SCLT1: variants seen among roughly 807,000 people sequenced by gnomAD.
The protein encoded by SCLT1 is sodium channel-associated protein 1.
A neutral mutation model predicts 112.8 loss-of-function variants in SCLT1; 78 were observed. The ratio of observed to expected loss-of-function variants is 0.69; its 90% CI spans 0.58 to 0.83. The LOEUF is 0.83. SCLT1 is among the 40% of genes least tolerant of loss of function. The probability of loss-of-function intolerance (pLI) is 0.00; values close to 1 mark genes in which losing one functional copy is unlikely to be tolerated. For synonymous variants in SCLT1, 257 were observed against 254.7 expected (o/e 1.01, Z -0.09); for missense variants, 747 against 770.4 (o/e 0.97, Z 0.36).
At chr4:129,071,007 A>C (rs748517415) in intron 2 of SCLT1, among the ~76,000 whole-genome samples, 1 of 152,102 alleles carries the variant, frequency 6.6e-6, no homozygotes, top group Non-Finnish European at 1.5e-5. Context: ...GAATTTTTAA[A>C]TTTCTATCTT....
chr4:128,902,595 C>G (rs189409170), intron 18 of SCLT1, among the ~76,000 whole-genome samples: 1 of 152,224 alleles, frequency 6.6e-6, no homozygotes, highest in Admixed American at 6.5e-5. Flanking sequence ...GCCTGCAGGA[C>G]TGGAAGTTGC....
chr4:128,896,069 C>G (rs1362455839), intron 18 of SCLT1, among the ~76,000 whole-genome samples: 2 of 151,682 alleles, frequency 1.3e-5, no homozygotes, highest in Non-Finnish European at 2.9e-5. Flanking sequence ...CCCACTGCAG[C>G]TCAAGGAGGC....
At chr4:129,001,606 A>T (rs1743494761) in intron 6 of SCLT1, among the ~76,000 whole-genome samples, 1 of 152,100 alleles carries the variant, frequency 6.6e-6, no homozygotes, top group Non-Finnish European at 1.5e-5. Context: ...TACTGGATCA[A>T]ATAATGCAAA....
intron 10 of SCLT1, among the ~76,000 whole-genome samples, chr4:128,966,522 T>G (rs539803038): frequency 6.6e-6 from 1 of 152,344 alleles, no homozygotes; most frequent in Admixed American, 6.5e-5. Flanking sequence ...TGTTATTAGT[T>G]CTGCTATAAG....
At chr4:129,064,483 A>C (rs1750294138) in intron 2 of SCLT1, among the ~76,000 whole-genome samples, 1 of 152,094 alleles carries the variant, frequency 6.6e-6, no homozygotes. Context: ...GAGCCATTTC[A>C]AGTTCATTTT....
intron 2 of SCLT1, among the ~76,000 whole-genome samples, chr4:129,048,718 G>C (rs36195612): frequency 6.6e-6 from 1 of 151,862 alleles, no homozygotes; most frequent in Non-Finnish European, 1.5e-5. Flanking sequence ...GAAAATTTTC[G>C]CAACCTACTC....
rs368679427 is a variant in SCLT1 at position 128,999,643 on chromosome 4, T to C, written c.549+29A>G. 7.0e-6 allele frequency: 11 copies of C among 1,574,958 alleles called. No individual in the cohort carries two copies. In the African/African-American group the frequency reaches 8.1e-5, roughly 12 times the overall value. On this transcript the variant is annotated intron_variant, in intron 7 of 20. Transcript: ENST00000281142. ...TTCAGAGTGCAATTTCTTATTGATATACAAGAAAATGATGAAATCCAAGAT... is the reference window on the plus strand; with the variant it reads ...TTCAGAGTGCAATTTCTTATTGATACACAAGAAAATGATGAAATCCAAGAT...
Position 128,898,633 on chromosome 4 carries a change from C to A in SCLT1, c.1830-7496G>T, listed in dbSNP as rs571223765. ...AAAGAACTAGAGAAGCAAGAGCAAA[C>A]ACATTCAAAAGCTAGCAGATGGCAA... On this transcript the variant is annotated intron_variant, in intron 18 of 20. Coordinates refer to ENST00000281142, the MANE Select transcript of SCLT1 (RefSeq NM_144643.4). 3.9e-5 allele frequency among the ~76,000 whole-genome samples: 6 copies of A among 152,264 alleles called. No homozygotes were observed. The South Asian group carries it at 1.2e-3, about 32-fold the overall frequency.
At chr4:129,067,392 C>T (rs556276710) in intron 2 of SCLT1, among the ~76,000 whole-genome samples, 1 of 151,318 alleles carries the variant, frequency 6.6e-6, no homozygotes, top group East Asian at 1.9e-4. Flanking sequence ...AATGAAAAGG[C>T]AATCTTCCAT....
intron 18 of SCLT1, among the ~76,000 whole-genome samples, chr4:128,935,269 C>T (rs1319446160): frequency 2.6e-5 from 4 of 151,816 alleles, no homozygotes; most frequent in Non-Finnish European, 5.9e-5. Context: ...TTGCCTAGTT[C>T]ACCACTAACT....
intron 5 of SCLT1, among the ~76,000 whole-genome samples, chr4:129,031,833 C>T (rs891660136): frequency 2.0e-5 from 3 of 152,136 alleles, no homozygotes; most frequent in Non-Finnish European, 4.4e-5. Context: ...ACATTCCATG[C>T]TCATGGATAG....
At chr4:128,876,276 GACTATTT>G (rs1224777854) in intron 4 of SCLT1, among the ~76,000 whole-genome samples, 1 of 152,120 alleles carries the variant, frequency 6.6e-6, no homozygotes, top group Non-Finnish European at 1.5e-5. Context: ...TCTCCTTAGT[GACTATTT>G]ACTTCCATAT....
At chr4:128,950,669 C>T (rs1466868945) in intron 14 of SCLT1, among the ~76,000 whole-genome samples, 1 of 151,916 alleles carries the variant, frequency 6.6e-6, no homozygotes, top group Non-Finnish European at 1.5e-5. Context: ...TGCTGCCGAC[C>T]TAACCAAATG....
chr4:129,069,569 G>A (rs547389425), intron 2 of SCLT1, among the ~76,000 whole-genome samples: 14 of 152,130 alleles, frequency 9.2e-5, no homozygotes, highest in East Asian at 5.8e-4. Context: ...CTTGGTTGCT[G>A]TATAGAAGGG....
At chr4:129,078,394 T>TC (rs1751645316) in intron 2 of SCLT1, among the ~76,000 whole-genome samples, 1 of 151,986 alleles carries the variant, frequency 6.6e-6, no homozygotes, top group Non-Finnish European at 1.5e-5. Context: ...AAATAAAAAT[T>TC]TTTTTTTACT....
At chr4:128,883,157 CAAAA>C (rs34993678), downstream of SCLT1, among the ~76,000 whole-genome samples, 1 of 57,702 alleles carries the variant, frequency 1.7e-5, no homozygotes, top group Non-Finnish European at 2.8e-5. Flanking sequence ...ACAACAACAA[CAAAA>C]AAAAAAAAAA....
intron 1 of SCLT1, among the ~76,000 whole-genome samples, chr4:129,085,802 G>A (rs1308821104): frequency 6.6e-6 from 1 of 152,132 alleles, no homozygotes; most frequent in East Asian, 1.9e-4. Context: ...TTATAAGTGG[G>A]AGGTAAATGA....
intron 15 of SCLT1, among the ~76,000 whole-genome samples, chr4:128,948,070 A>G (rs1468018149): frequency 6.6e-6 from 1 of 151,994 alleles, no homozygotes; most frequent in Non-Finnish European, 1.5e-5. Context: ...TTAACTGTAG[A>G]CTCTGAATAT....
At chr4:128,878,881 C>G (rs943368209) in intron 3 of SCLT1, among the ~76,000 whole-genome samples, 3 of 150,386 alleles carry the variant, frequency 2.0e-5, no homozygotes, top group Non-Finnish European at 4.4e-5. Context: ...TACGAAGATA[C>G]TTTGTTCTAG....
Sources: gnomAD v4.1 joint callset for allele counts (sites outside exome capture counted in the v4.1 genomes callset) on GRCh38, gnomAD v4.1.1 for gene constraint, MANE v1.5 for transcripts, NCBI Gene and HGNC (gene_info 2026-07-23, HGNC 2026-07-21) for gene names.